ARFGEF3: variants seen among roughly 807,000 people sequenced by gnomAD.
ARFGEF3 encodes the protein ARFGEF family member 3.
Under a neutral mutation model 221.7 loss-of-function variants are expected in ARFGEF3, and 96 were observed. The ratio of observed to expected loss-of-function variants is 0.43; its 90% CI spans 0.37 to 0.51. The LOEUF (loss-of-function observed/expected upper bound fraction) is 0.51, where lower values mean the gene tolerates loss of function less well. ARFGEF3 is among the 20% of genes least tolerant of loss of function. The pLI is 0.00. For synonymous variants in ARFGEF3, 1,145 were observed against 1,126.8 expected (o/e 1.02, Z -0.32); for missense variants, 2,410 against 2,789.9 (o/e 0.86, Z 3.07).
Position 138,298,521 on chromosome 6 carries a change from A to G in ARFGEF3, c.3649-85A>G, listed in dbSNP as rs1779563733. ...AGAATTGCTGCTTCCACCTCCTTGT[A>G]ATGAGGTGGGGTAGGAAAGCCTTCA... On this transcript the variant is annotated intron_variant, in intron 21 of 33. Coordinates refer to ENST00000251691, the MANE Select transcript of ARFGEF3 (RefSeq NM_020340.5). The G allele has an allele frequency of 2.9e-6, 3 of 1,045,264 alleles. No individual in the cohort carries two copies. In the African/African-American group the frequency reaches 4.8e-5, roughly 17 times the overall value. 64.7% of individuals were successfully genotyped at this position (1,045,264 alleles called of 1,614,324 possible). A position where few individuals can be genotyped will look rare whatever the true frequency, so the allele number is the denominator to read the frequency against.
In ARFGEF3 at chr6:138,308,771, G is replaced by A. The variant is rs1470639406; in HGVS notation, c.4006G>A (p.Glu1336Lys). The A allele has an allele frequency of 6.2e-7, 1 of 1,613,926 alleles. No homozygotes were observed. Among genetic ancestry groups the A allele is most frequent in the East Asian group, 2.2e-5 (1 of 44,890 alleles). Residue 1336 changes from glutamate to lysine, a missense_variant, in exon 24 of 34, where the codon GAA becomes AAA. Coordinates refer to ENST00000251691, the MANE Select transcript of ARFGEF3 (RefSeq NM_020340.5). Reference protein sequence around the residue: ...KGQAPVFDVFEAFLNTDNIQV... With the variant: ...KGQAPVFDVFKAFLNTDNIQV... Reference sequence around the variant, plus strand: ...CCAAGCTCCAGTGTTTGATGTATTTGAAGCTTTTCTCAATACTGACAACAT... The same window carrying A: ...CCAAGCTCCAGTGTTTGATGTATTTAAAGCTTTTCTCAATACTGACAACAT...
intron 8 of ARFGEF3, among the ~76,000 whole-genome samples, 162 bp downstream of exon 8, chr6:138,245,753 A>G (rs1317875467): frequency 6.6e-6 from 1 of 152,252 alleles, no homozygotes; most frequent in African/African-American, 2.4e-5. Context: ...ATATATTCTG[A>G]AAGTTGGTGC....
intron 17 of ARFGEF3, among the ~76,000 whole-genome samples, 195 bp from the exon 18 acceptor site, chr6:138,289,623 T>G (rs1346246674): frequency 6.6e-6 from 1 of 152,176 alleles, no homozygotes; most frequent in Non-Finnish European, 1.5e-5. Context: ...GCTGGAGAGC[T>G]GGGGCCACCA....
intron 22 of ARFGEF3, among the ~76,000 whole-genome samples, chr6:138,303,557 C>G (rs1401486942): frequency 6.6e-6 from 1 of 152,092 alleles, no homozygotes; most frequent in African/African-American, 2.4e-5. Context: ...GTAATCCCAG[C>G]ACTTTGGGAG....
intron 6 of ARFGEF3, among the ~76,000 whole-genome samples, chr6:138,241,048 TA>T (rs1778386916): frequency 6.6e-6 from 1 of 152,234 alleles, no homozygotes; most frequent in Non-Finnish European, 1.5e-5. Flanking sequence ...GAGATGCTGC[TA>T]CTAGCGTTAT....
intron 2 of ARFGEF3, among the ~76,000 whole-genome samples, chr6:138,183,538 G>A (rs1035182437): frequency 6.6e-6 from 1 of 152,068 alleles, no homozygotes; most frequent in African/African-American, 2.4e-5. Context: ...GACAGGGTGG[G>A]GACTGGGCTC....
Position 138,162,081 on chromosome 6 carries a change from G to C in ARFGEF3, c.-6G>C, listed in dbSNP as rs776584026. 4.4e-6 allele frequency: 7 copies of C among 1,589,932 alleles called. No homozygotes were observed. Among genetic ancestry groups the C allele is most frequent in the Non-Finnish European group, 6.0e-6 (7 of 1,168,088 alleles). ...TGGGCGGCGGCCCGGCGCCTGGAAG[G>C]TCAAGATGGAAGAAATCCTGAGGAA... On this transcript the variant is annotated 5_prime_UTR_variant, in exon 1 of 34. Transcript: ENST00000251691. This position sits in a 1 kb window ranked among gnomAD's most constrained non-coding sequence, Gnocchi z 4.7.
intron 2 of ARFGEF3, among the ~76,000 whole-genome samples, chr6:138,181,485 T>C (rs1437697594): frequency 6.6e-6 from 1 of 152,216 alleles, no homozygotes; most frequent in African/African-American, 2.4e-5. Context: ...ACTCTGTCAC[T>C]CAGGCTGGAG....
intron 4 of ARFGEF3, chr6:138,217,847 A>T: frequency 1.6e-6 from 2 of 1,218,392 alleles, no homozygotes; most frequent in Non-Finnish European, 2.2e-6. Flanking sequence ...ATAACCTCCT[A>T]CATCATCAAA....
Position 138,266,709 on chromosome 6 carries a change from C to T in ARFGEF3, c.2128+3098C>T, listed in dbSNP as rs184931464. On this transcript the variant is annotated intron_variant, in intron 12 of 33. Transcript: ENST00000251691. ...CTAAAAATACAAAAAATTAGCTGGG[C>T]GTGGTGGCAGGCGCCTGTAGTCCCA... 4.4e-4 allele frequency among the ~76,000 whole-genome samples: 67 copies of T among 151,702 alleles called. 1 individual carries two copies. Among genetic ancestry groups the T allele is most frequent in the African/African-American group, 1.6e-3 (65 of 41,334 alleles).
intron 2 of ARFGEF3, among the ~76,000 whole-genome samples, chr6:138,183,107 A>T (rs7765043): frequency 0.12 from 18,807 of 152,156 alleles, 1,544 homozygotes; most frequent in East Asian, 0.38. Context: ...AAGCCAGGAA[A>T]CTGGGTCCAG....
At chr6:138,218,786 G>C (rs1279894759) in intron 4 of ARFGEF3, among the ~76,000 whole-genome samples, 1 of 152,162 alleles carries the variant, frequency 6.6e-6, no homozygotes, top group South Asian at 2.1e-4. Context: ...GAGTCTGAGA[G>C]GGAAAGAGAA....
rs774961171 is a variant in ARFGEF3, at chr6:138,207,059, C to T, written c.155C>T (p.Pro52Leu). The T allele has an allele frequency of 1.2e-6, 2 of 1,610,450 alleles. No individual in the cohort carries two copies. The highest frequency in any genetic ancestry group is 1.1e-5 in the South Asian group (1 of 89,720). ...TTTGCCAGGGAGAAATGCCTGCTGC[C>T]TCTCCAGTTGGCTTTGGAATCCAAG... is the stretch of plus-strand genomic sequence containing the variant. ...PHVLREKCLL[P>L]LQLALESKNV... Residue 52 changes from proline to leucine, a missense_variant, in exon 3 of 34, where the codon CCT becomes CTT. Pro to Leu is a moderately conservative substitution (Grantham distance 98, BLOSUM62 -3). Coordinates refer to ENST00000251691, the MANE Select transcript of ARFGEF3 (RefSeq NM_020340.5).
intron 12 of ARFGEF3, among the ~76,000 whole-genome samples, chr6:138,274,830 AG>A (rs2114610772): frequency 6.7e-6 from 1 of 149,354 alleles, no homozygotes; most frequent in South Asian, 2.1e-4. Flanking sequence ...CAGCCTTGCC[AG>A]GCATGGTGGC....
rs1778657230 is a variant in ARFGEF3, at chr6:138,255,416, T to C, written c.771-20T>C. On this transcript the variant is annotated intron_variant, in intron 9 of 33. Transcript: ENST00000251691. ...ATTTGGCTCGTGGGGAAAGTTACTT[T>C]TCTCACCATCTCTTCCCAGGAAAAA... is the stretch of plus-strand genomic sequence containing the variant. 3.9e-6 allele frequency: 6 copies of C among 1,547,296 alleles called. No homozygotes were observed. The highest frequency in any genetic ancestry group is 5.3e-6 in the Non-Finnish European group (6 of 1,137,940).
At chr6:138,283,227 C>T (rs992958094) in intron 14 of ARFGEF3, among the ~76,000 whole-genome samples, 4 of 152,178 alleles carry the variant, frequency 2.6e-5, no homozygotes, top group African/African-American at 9.7e-5. Flanking sequence ...CTAAACATTC[C>T]AGCTTTCATT....
At chr6:138,185,987 GA>G (rs1244230957) in intron 2 of ARFGEF3, among the ~76,000 whole-genome samples, 1 of 152,238 alleles carries the variant, frequency 6.6e-6, no homozygotes, top group Non-Finnish European at 1.5e-5. Context: ...AGGCTTGAGT[GA>G]TAAAATCACT....
intron 12 of ARFGEF3, among the ~76,000 whole-genome samples, chr6:138,272,460 A>G (rs1361571172): frequency 6.6e-6 from 1 of 152,198 alleles, no homozygotes; most frequent in Non-Finnish European, 1.5e-5. Flanking sequence ...CCTGGCCTAT[A>G]TAGCCATTTA....
chr6:138,328,633 G>A (rs1040478791), intron 32 of ARFGEF3, among the ~76,000 whole-genome samples: 4 of 152,006 alleles, frequency 2.6e-5, no homozygotes, highest in African/African-American at 4.8e-5. Context: ...ACATTCTGAG[G>A]TACCAGGGGT....
Sources: gnomAD v4.1 joint callset for allele counts (sites outside exome capture counted in the v4.1 genomes callset) on GRCh38, gnomAD v4.1.1 for gene constraint, Gnocchi (gnomAD v3.1) non-coding constraint, MANE v1.5 for transcripts, NCBI Gene and HGNC (gene_info 2026-07-23, HGNC 2026-07-21) for gene names.